ZC3H12B: variants seen among roughly 807,000 people sequenced by gnomAD.
ZC3H12B encodes the protein probable ribonuclease ZC3H12B.
In ZC3H12B, 7 loss-of-function variants were observed where a neutral mutation model predicts 43.9. That is an observed-to-expected ratio of 0.16 (90% CI 0.09 to 0.30). The LOEUF is 0.30. Ranked by LOEUF, ZC3H12B falls within the 10% of genes least tolerant of loss-of-function variation. The pLI is 1.00. For synonymous variants in ZC3H12B, 222 were observed against 241.7 expected, an observed-to-expected ratio of 0.92 and a Z score of 0.76; for missense variants, 475 against 670.2, an observed-to-expected ratio of 0.71 and a Z score of 3.22.
chrX:65,145,279 G>A, the ZC3H12B span, among the ~76,000 whole-genome samples: 1 of 101,686 alleles, frequency 9.8e-6, no homozygotes, highest in East Asian at 3.2e-4. Context: ...AAAGTTTGTT[G>A]TGTCTGATAT....
At chrX:65,447,387 T>G (rs748357282) in intron 3 of ZC3H12B, among the ~76,000 whole-genome samples, 9 of 111,518 alleles carry the variant, frequency 8.1e-5, no homozygotes, top group Non-Finnish European at 7.5e-5. Flanking sequence ...GATAGAGACA[T>G]GTAGAAGAAT....
chrX:65,391,031 A>C (rs1229399470), intron 2 of ZC3H12B, among the ~76,000 whole-genome samples: 1 of 112,075 alleles, frequency 8.9e-6, no homozygotes, highest in Non-Finnish European at 1.9e-5. Flanking sequence ...ACATTTAGTT[A>C]ATGGCAAGAA....
chrX:65,336,573 G>A, the ZC3H12B span, among the ~76,000 whole-genome samples: 4 of 112,154 alleles, frequency 3.6e-5, no homozygotes, highest in African/African-American at 1.3e-4. Context: ...TAATTTATTC[G>A]AAGTGGATTG....
chrX:65,344,477 C>T, the ZC3H12B span, among the ~76,000 whole-genome samples: 2 of 112,045 alleles, frequency 1.8e-5, no homozygotes, highest in African/African-American at 3.2e-5. Flanking sequence ...GAAAAGGACT[C>T]CCTATTCACC....
At chrX:65,117,145 A>G in the ZC3H12B span, among the ~76,000 whole-genome samples, 8 of 112,070 alleles carry the variant, frequency 7.1e-5, no homozygotes, top group Non-Finnish European at 1.5e-4. Flanking sequence ...ACTGTCTTCC[A>G]CAATGGTTGA....
At chrX:65,291,985 TG>T in the ZC3H12B span, among the ~76,000 whole-genome samples, 1 of 111,933 alleles carries the variant, frequency 8.9e-6, no homozygotes, top group Non-Finnish European at 1.9e-5. Flanking sequence ...ATCCTGAATA[TG>T]TATGAAACTA....
the ZC3H12B span, among the ~76,000 whole-genome samples, chrX:65,340,298 C>G: frequency 1.8e-5 from 2 of 112,307 alleles, no homozygotes; most frequent in Non-Finnish European, 3.8e-5. Flanking sequence ...CTGCTGTGAA[C>G]ACCCACACAT....
At chrX:65,317,325 A>G in the ZC3H12B span, among the ~76,000 whole-genome samples, 1 of 110,652 alleles carries the variant, frequency 9.0e-6, no homozygotes, top group Admixed American at 9.6e-5. Flanking sequence ...AATCAATACT[A>G]AGATAATTGC....
chrX:65,165,018 G>A, the ZC3H12B span, among the ~76,000 whole-genome samples: 1 of 111,813 alleles, frequency 8.9e-6, no homozygotes, highest in South Asian at 3.7e-4. Flanking sequence ...GAAAAACTTA[G>A]AGAACATAGA....
At chrX:65,325,215 C>T in the ZC3H12B span, among the ~76,000 whole-genome samples, 3 of 110,904 alleles carry the variant, frequency 2.7e-5, no homozygotes, top group Non-Finnish European at 5.7e-5. Flanking sequence ...CCACTTTTGC[C>T]ACTTCCACTC....
At chrX:65,115,575 G>A in the ZC3H12B span, among the ~76,000 whole-genome samples, 1 of 111,519 alleles carries the variant, frequency 9.0e-6, no homozygotes, top group Non-Finnish European at 1.9e-5. Context: ...ATACCTAGTA[G>A]TGGGATTGCT....
the ZC3H12B span, among the ~76,000 whole-genome samples, chrX:65,042,412 CAG>C: frequency 7.9e-3 from 887 of 112,283 alleles, 7 homozygotes; most frequent in African/African-American, 0.025. Context: ...TCTGTGCTAA[CAG>C]GGGAGTATAA....
At chrX:65,354,249 G>A in the ZC3H12B span, among the ~76,000 whole-genome samples, 2 of 111,989 alleles carry the variant, frequency 1.8e-5, no homozygotes, top group African/African-American at 6.5e-5. Context: ...TTAGTACAAA[G>A]CTTCCAAAGG....
At chrX:65,087,476 G>A in the ZC3H12B span, among the ~76,000 whole-genome samples, 1 of 111,973 alleles carries the variant, frequency 8.9e-6, no homozygotes, top group East Asian at 2.8e-4. Context: ...CTAATCCAAG[G>A]GTGATGGATT....
At chrX:65,079,833 C>T in the ZC3H12B span, among the ~76,000 whole-genome samples, 9 of 110,990 alleles carry the variant, frequency 8.1e-5, no homozygotes, top group Non-Finnish European at 1.5e-4. Flanking sequence ...CATATACTAG[C>T]ATCAACACTA....
chrX:65,200,049 G>T, the ZC3H12B span, among the ~76,000 whole-genome samples: 1 of 111,350 alleles, frequency 9.0e-6, no homozygotes, highest in Non-Finnish European at 1.9e-5. Flanking sequence ...TTCTACAATG[G>T]TTGAACTAAT....
the ZC3H12B span, among the ~76,000 whole-genome samples, chrX:65,105,439 A>T: frequency 2.5e-3 from 276 of 111,305 alleles, no homozygotes; most frequent in Admixed American, 4.7e-3. Context: ...AGAATACAGG[A>T]ATAGCGGACA....
chrX:65,117,565 A>G, the ZC3H12B span, among the ~76,000 whole-genome samples: 1 of 111,625 alleles, frequency 9.0e-6, no homozygotes, highest in Non-Finnish European at 1.9e-5. Flanking sequence ...CTTTAGTTTA[A>G]TTAGATCCCA....
the ZC3H12B span, among the ~76,000 whole-genome samples, chrX:65,303,080 G>A: frequency 2.2e-4 from 24 of 111,612 alleles, no homozygotes; most frequent in Non-Finnish European, 4.0e-4. Context: ...AAAAATCTAA[G>A]TTAATTTGAG....
Sources: allele counts gnomAD v4.1 joint callset (sites outside exome capture counted in the v4.1 genomes callset), GRCh38; gene constraint gnomAD v4.1.1; transcripts MANE v1.5; gene names NCBI Gene and HGNC (gene_info 2026-07-23, HGNC 2026-07-21).